NEB: variants seen among roughly 807,000 people sequenced by gnomAD.
The protein encoded by NEB is nemaline myopathy type 2.
Under a neutral mutation model 952.2 loss-of-function variants are expected in NEB, and 512 were observed. That is an observed-to-expected ratio of 0.54 (90% confidence interval 0.50 to 0.58). NEB has a LOEUF of 0.58. Ranked by LOEUF, NEB falls within the 20% of genes least tolerant of loss-of-function variation. NEB has a pLI of 0.00. For missense variants in NEB, 8,428 were observed against 9,231.1 expected, an observed-to-expected ratio of 0.91 and a Z score of 3.56; for synonymous variants, 2,900 against 3,149.8, an observed-to-expected ratio of 0.92 and a Z score of 2.66.
intron 54 of NEB, among the ~76,000 whole-genome samples, chr2:151,648,093 A>C (rs949280526): frequency 6.6e-6 from 1 of 152,228 alleles, no homozygotes; most frequent in African/African-American, 2.4e-5. Flanking sequence ...ATGTGGTAAA[A>C]TTTTAACATT....
intron 156 of NEB, 135 bp downstream of exon 156, chr2:151,518,183 A>G (rs1006589824): frequency 7.0e-6 from 5 of 715,768 alleles, no homozygotes; most frequent in Non-Finnish European, 1.3e-5. Context: ...ATTTGTTTCA[A>G]AAAGTTACCA....
chr2:151,698,706 C>T (rs1431150435), intron 13 of NEB, among the ~76,000 whole-genome samples: 1 of 147,634 alleles, frequency 6.8e-6, no homozygotes, highest in African/African-American at 2.5e-5. Flanking sequence ...GGCACAAACT[C>T]GGCTCACTGC....
Position 151,513,642 on chromosome 2 carries a change from C to T in NEB, c.23179G>A (p.Ala7727Thr), listed in dbSNP as rs764279651. The change falls in exon 160 of 182, where the codon GCC (alanine) becomes ACC (threonine). Residue 7727 changes from alanine (A) to threonine (T), a missense_variant. Transcript: ENST00000397345. ...AAATCCGGAGTTTCATTGGCCATGGCATTCAGGCCTCTTCCTTTGACTTCC... is the reference window on the plus strand; with the variant it reads ...AAATCCGGAGTTTCATTGGCCATGGTATTCAGGCCTCTTCCTTTGACTTCC... ...ELEVKGRGLNAMANETPDFMR... is the reference protein window; with the variant it reads ...ELEVKGRGLNTMANETPDFMR... The T allele has an allele frequency of 1.3e-5, 21 of 1,610,068 alleles. No individual in the cohort carries two copies. The highest frequency in any genetic ancestry group is 1.8e-5 in the Non-Finnish European group (21 of 1,178,272).
rs2080618010 is a variant in NEB, at chr2:151,519,726, G to T, written c.22522C>A (p.Pro7508Thr). 1 of 1,613,060 alleles carries T rather than the reference G, an allele frequency of 6.2e-7. No individual in the cohort carries two copies. ...TGGCTGTCTTTTGGATTGTATTTTG[G>T]TGTCTTGCCCTTTTCTTTATCGAAA... ...ENFDKEKGKT[P>T]KYNPKDSQLY... The change falls in exon 154 of 182, where the codon CCA (proline) becomes ACA (threonine). Residue 7508 changes from proline (P) to threonine (T), a missense_variant. By Grantham distance (38) the Pro-to-Thr change is conservative. Transcript: ENST00000397345.
At chr2:151,623,818 T>C (rs2098464554) in intron 71 of NEB, among the ~76,000 whole-genome samples, 3 of 152,306 alleles carry the variant, frequency 2.0e-5, no homozygotes, top group African/African-American at 7.2e-5. Flanking sequence ...ATGTTCATAT[T>C]TTAAAAATGG....
At chr2:151,650,464 C>G in intron 53 of NEB, 85 bp from the exon 54 acceptor site, 2 of 1,504,810 alleles carry the variant, frequency 1.3e-6, no homozygotes. Flanking sequence ...CAAACAGATG[C>G]ATTTTAGATT....
Position 151,678,110 on chromosome 2 carries a change from C to G in NEB, c.3333G>C (p.Leu1111=). The G allele has an allele frequency of 6.2e-7, 1 of 1,613,026 alleles. No homozygotes were observed. Among genetic ancestry groups the G allele is most frequent in the South Asian group, 1.1e-5 (1 of 91,030 alleles). ...TCTTGGCCACGTTCATATAATGAAC[C>G]AGTTTAGGGTCATCTTGAAGACTTT... The part of the protein sequence containing the change: ...GFQSLQDDPK[L]VHYMNVAKIQ... Residue 1111 remains leucine (L), a synonymous_variant, in exon 33 of 182, where the codon CTG becomes CTC. Coordinates refer to ENST00000397345, the MANE Select transcript of NEB (RefSeq NM_001164508.2).
In NEB at chr2:151,568,621, A is replaced by G. The variant is rs866310177; in HGVS notation, c.17631T>C (p.Asp5877=). 4 of 1,603,780 alleles carry G rather than the reference A, an allele frequency of 2.5e-6. No homozygotes were observed. Among genetic ancestry groups the G allele is most frequent in the Non-Finnish European group, 8.5e-7 (1 of 1,174,124 alleles). Residue 5877 remains aspartate (D), a synonymous_variant, in exon 111 of 182, where the codon GAT becomes GAC. Transcript: ENST00000397345. ...VTAKQSGEIL[D]DIKYRKDWNA... is the part of the protein sequence containing the mutation. Reference sequence around the variant, plus strand: ...TTTAAAACAGCCATATACTTACATCATCGAGGATCTCGCCACTTTGTTTCG... The same window carrying G: ...TTTAAAACAGCCATATACTTACATCGTCGAGGATCTCGCCACTTTGTTTCG...
rs1281622613 is a variant in NEB, at chr2:151,614,373, C to T, written c.11504G>A (p.Ser3835Asn). 6.2e-7 allele frequency: 1 copy of T among 1,613,790 alleles called. No homozygotes were observed. The highest frequency in any genetic ancestry group is 8.5e-7 in the Non-Finnish European group (1 of 1,179,856). ...CAGGGGATGCTTGTAGTCTATGTCGCTTACAAGGATCTGACACTTCTTGGC... is the reference window on the plus strand; with the variant it reads ...CAGGGGATGCTTGTAGTCTATGTCGTTTACAAGGATCTGACACTTCTTGGC... ...VLAKKCQILV[S>N]DIDYKHPLHE... Residue 3835 changes from serine to asparagine, a missense_variant, in exon 77 of 182, where the codon AGC (serine) becomes AAC (asparagine). Coordinates refer to ENST00000397345, the MANE Select transcript of NEB (RefSeq NM_001164508.2).
chr2:151,576,299 C>T lies in NEB; in HGVS notation c.16760G>A (p.Gly5587Glu), dbSNP rs1243813979. 6.2e-7 allele frequency: 1 copy of T among 1,609,536 alleles called. No homozygotes were observed. The highest frequency in any genetic ancestry group is 8.5e-7 in the Non-Finnish European group (1 of 1,177,274). ...TTTGACTCTCAACACTTCAGGAGAC[C>T]CTTGGGGCATCCAGCCAATGCCACG... ...WLRGIGWMPQ[G>E]SPEVLRVKNA... is the part of the protein sequence containing the mutation. Residue 5587 changes from glycine (G) to glutamate (E), a missense_variant, in exon 106 of 182, where the codon GGG (glycine) becomes GAG (glutamate). This residue lies in a region of NEB where 3,374 missense variants were observed against 3,651.5 expected (regional missense o/e 0.92). Coordinates refer to ENST00000397345, the MANE Select transcript of NEB (RefSeq NM_001164508.2).
intron 119 of NEB, 48 bp downstream of exon 119, chr2:151,563,558 G>A (rs767541309): frequency 6.7e-5 from 100 of 1,486,592 alleles, no homozygotes; most frequent in Non-Finnish European, 8.8e-5. Flanking sequence ...AGACACGGCA[G>A]CACACTTATG....
chr2:151,514,996 G>A lies in NEB; in HGVS notation c.22906-68C>T, dbSNP rs369515076. On this transcript the variant is annotated intron_variant, in intron 157 of 181. Transcript: ENST00000397345. ...TATTACAATATATCTCTCCATCTCA[G>A]GAAGAAAAAAAAAACAGCATTTTCT... The A allele has an allele frequency of 6.1e-5, 61 of 998,012 alleles. 1 individual carries two copies. The East Asian group carries it at 8.9e-4, about 15-fold the overall frequency. The allele number at this position is 998,012 out of a possible 1,614,324, so 61.8% of individuals were successfully genotyped here.
rs902237066 is a variant in NEB, at chr2:151,533,460, A to T, written c.21399T>A (p.Asn7133Lys). The change falls in exon 143 of 182, where the codon AAT becomes AAA. Residue 7133 changes from asparagine (N) to lysine (K), a missense_variant. Coordinates refer to ENST00000397345, the MANE Select transcript of NEB (RefSeq NM_001164508.2). ...LRPDMLTALY[N>K]SHMWSQIKYR... ...ACATTACCTGGCTCCACATATGCGA[A>T]TTGTAGAGAGCAGTCAACATATCTG... 4 of 1,550,770 alleles carry T rather than the reference A, an allele frequency of 2.6e-6. No individual in the cohort carries two copies. The highest frequency in any genetic ancestry group is 2.6e-6 in the Non-Finnish European group (3 of 1,146,126).
intron 135 of NEB, among the ~76,000 whole-genome samples, chr2:151,544,800 A>C (rs1007798879): frequency 6.6e-6 from 1 of 152,222 alleles, no homozygotes. Flanking sequence ...AGAGCTACTG[A>C]GAAGGATGAA....
Position 151,505,459 on chromosome 2 carries a change from C to T in NEB, c.23742+19G>A. On this transcript the variant is annotated intron_variant, in intron 165 of 181. Transcript: ENST00000397345. The stretch of plus-strand genomic sequence containing the variant: ...AGATGGCCAGTCACACAAATGGAAG[C>T]TGAGAGTATGGCCACTACCGAGCTA... 1 of 1,603,260 alleles carries T rather than the reference C, an allele frequency of 6.2e-7. No individual in the cohort carries two copies. Among genetic ancestry groups the T allele is most frequent in the Non-Finnish European group, 8.5e-7 (1 of 1,170,564 alleles).
chr2:151,717,288 A>G lies in NEB; in HGVS notation c.822+128T>C, dbSNP rs374323430. The G allele has an allele frequency of 8.9e-5, 64 of 715,590 alleles. 1 individual carries two copies. In the South Asian group the frequency reaches 9.7e-4, roughly 11 times the overall value. The allele number at this position is 715,590 out of a possible 1,614,324, so 44.3% of individuals were successfully genotyped here. On this transcript the variant is annotated intron_variant, in intron 10 of 181. Coordinates refer to ENST00000397345, the MANE Select transcript of NEB (RefSeq NM_001164508.2). ...TGCTTTTGCTGTAGAGTCTTTGGGGATCATATGTAAAAATACTCCTAGTGT... is the reference window on the plus strand; with the variant it reads ...TGCTTTTGCTGTAGAGTCTTTGGGGGTCATATGTAAAAATACTCCTAGTGT...
intron 120 of NEB, 27 bp downstream of exon 120, chr2:151,562,584 A>C: frequency 6.5e-7 from 1 of 1,532,348 alleles, no homozygotes; most frequent in Non-Finnish European, 8.8e-7. Flanking sequence ...GCTGTAGCTG[A>C]GTCAAGCTGC....
intron 23 of NEB, 149 bp from the exon 24 acceptor site, chr2:151,690,974 T>TCC (rs2099545040): frequency 1.8e-6 from 1 of 567,554 alleles, no homozygotes; most frequent in Admixed American, 2.6e-5. Flanking sequence ...TCTGTCTGTC[T>TCC]CTCTCTCTCT....
chr2:151,654,152 A>G (rs1287732835), intron 51 of NEB, 53 bp from the exon 52 acceptor site: 7 of 1,149,528 alleles, frequency 6.1e-6, no homozygotes, highest in South Asian at 1.8e-5. Flanking sequence ...AAGAATATCA[A>G]TAGATTATTA....
Sources: allele counts gnomAD v4.1 joint callset (sites outside exome capture counted in the v4.1 genomes callset), GRCh38; gene constraint gnomAD v4.1.1; regional missense constraint gnomAD v4.1.1; transcripts MANE v1.5; gene names NCBI Gene and HGNC (gene_info 2026-07-23, HGNC 2026-07-21).